The following RGS7BP variants were observed in gnomAD, a reference collection of about 807,000 sequenced individuals.
RGS7BP encodes regulator of G protein signaling 7-binding protein.
A neutral mutation model predicts 31.3 loss-of-function variants in RGS7BP; 9 were observed. That is an observed-to-expected ratio of 0.29 (90% confidence interval 0.17 to 0.50). RGS7BP has a LOEUF of 0.50. Among genes scored for constraint, RGS7BP ranks in the 20% least tolerant of loss-of-function variants. The pLI is 0.98. For missense variants in RGS7BP, 274 were observed against 322.0 expected, an observed-to-expected ratio of 0.85 and a Z score of 1.14; for synonymous variants, 115 against 120.1, an observed-to-expected ratio of 0.96 and a Z score of 0.28.
intron 2 of RGS7BP, among the ~76,000 whole-genome samples, chr5:64,519,195 C>A (rs1749046741): frequency 6.6e-6 from 1 of 152,162 alleles, no homozygotes; most frequent in Admixed American, 6.5e-5. Flanking sequence ...GGGTGCTGGA[C>A]TGGGAGAAAG....
chr5:64,542,225 A>G (rs1194046143), intron 2 of RGS7BP, among the ~76,000 whole-genome samples: 1 of 152,212 alleles, frequency 6.6e-6, no homozygotes, highest in East Asian at 1.9e-4. Flanking sequence ...GGTACTGGCA[A>G]GAACCAACAT....
At chr5:64,573,877 A>T (rs1320675617) in intron 2 of RGS7BP, among the ~76,000 whole-genome samples, 1 of 152,232 alleles carries the variant, frequency 6.6e-6, no homozygotes, top group African/African-American at 2.4e-5. Context: ...CAATATATAC[A>T]TGTATCAAAA....
intron 2 of RGS7BP, among the ~76,000 whole-genome samples, chr5:64,520,198 A>T (rs1291380998): frequency 6.6e-6 from 1 of 152,164 alleles, no homozygotes; most frequent in East Asian, 1.9e-4. Context: ...CAGAGTCTTT[A>T]TTCTTGCCAC....
intron 3 of RGS7BP, among the ~76,000 whole-genome samples, chr5:64,576,540 A>G (rs370303319): frequency 1.3e-5 from 2 of 152,200 alleles, no homozygotes; most frequent in East Asian, 1.9e-4. Flanking sequence ...TGCAGTGAAC[A>G]CATCTGCACA....
At chr5:64,581,579 A>G (rs530417201) in intron 3 of RGS7BP, among the ~76,000 whole-genome samples, 5 of 152,250 alleles carry the variant, frequency 3.3e-5, no homozygotes, top group Non-Finnish European at 7.3e-5. Context: ...ACACAAGGCC[A>G]CTGCAGGGGT....
At chr5:64,575,590 C>T in intron 2 of RGS7BP, 184 bp from the exon 3 acceptor site, 1 of 1,146,816 alleles carries the variant, frequency 8.7e-7, no homozygotes. Flanking sequence ...AACTGTTAGT[C>T]AGAAAGAGAC....
chr5:64,585,645 T>A (rs1742727017), intron 3 of RGS7BP, among the ~76,000 whole-genome samples: 1 of 152,148 alleles, frequency 6.6e-6, no homozygotes, highest in Non-Finnish European at 1.5e-5. Context: ...GTGTTTTTGT[T>A]TCTCGTGAAT....
At chr5:64,556,277 T>C (rs1400548257) in intron 2 of RGS7BP, among the ~76,000 whole-genome samples, 1 of 151,416 alleles carries the variant, frequency 6.6e-6, no homozygotes, top group African/African-American at 2.4e-5. Context: ...TTATTAACCT[T>C]TCATATTTCC....
chr5:64,544,914 T>C (rs1034462762), intron 2 of RGS7BP, among the ~76,000 whole-genome samples: 24 of 152,214 alleles, frequency 1.6e-4, no homozygotes, highest in African/African-American at 5.3e-4. Flanking sequence ...TGGTGGCTCA[T>C]GCCTGTAATC....
In RGS7BP at chr5:64,531,503, T is replaced by G. The variant is rs560079032; in HGVS notation, c.332+23626T>G. Among the ~76,000 whole-genome samples, 5 of 152,324 alleles carry G rather than the reference T, an allele frequency of 3.3e-5. No individual in the cohort carries two copies. In the South Asian group the frequency reaches 1.0e-3, roughly 32 times the overall value. On this transcript the variant is annotated intron_variant, in intron 2 of 5. Transcript: ENST00000334025. ...TCTGTGGGATTACACTCATTCATTT[T>G]CTAATCTAGCTGCAGTCCGTGAAGA...
intron 3 of RGS7BP, among the ~76,000 whole-genome samples, chr5:64,583,023 T>G (rs1462585071): frequency 6.6e-6 from 1 of 152,228 alleles, no homozygotes; most frequent in African/African-American, 2.4e-5. Context: ...GCATTCATTC[T>G]TTGAAGAAAT....
intron 5 of RGS7BP, chr5:64,601,475 G>A: frequency 1.0e-6 from 1 of 975,412 alleles, no homozygotes; most frequent in Non-Finnish European, 1.2e-6. Flanking sequence ...GTGGCCAAGG[G>A]CAGGAATTTT....
At chr5:64,514,262 C>T (rs1315479600) in intron 2 of RGS7BP, among the ~76,000 whole-genome samples, 1 of 151,162 alleles carries the variant, frequency 6.6e-6, no homozygotes, top group Non-Finnish European at 1.5e-5. Flanking sequence ...CCTGCAATGA[C>T]CCTTTTTCCA....
intron 2 of RGS7BP, among the ~76,000 whole-genome samples, chr5:64,526,160 C>T (rs1749225594): frequency 6.6e-6 from 1 of 152,188 alleles, no homozygotes; most frequent in Non-Finnish European, 1.5e-5. Context: ...TTCCTTCTTC[C>T]TGACTAAACT....
In RGS7BP at chr5:64,579,866, T is replaced by C. The variant is rs78193772; in HGVS notation, c.463+3962T>C. Among the ~76,000 whole-genome samples, 691 of 152,324 alleles carry C rather than the reference T, an allele frequency of 4.5e-3. 2 individuals are homozygous for C. The highest frequency in any genetic ancestry group is 0.016 in the African/African-American group (649 of 41,570). On this transcript the variant is annotated intron_variant, in intron 3 of 5. Transcript: ENST00000334025. ...TTTATTACACCTAAGGGATTAACAC[T>C]ATATTAATACTTTGGACTCCTGGCT...
intron 2 of RGS7BP, among the ~76,000 whole-genome samples, chr5:64,517,995 G>A (rs1049467427): frequency 2.0e-5 from 3 of 152,096 alleles, no homozygotes; most frequent in Non-Finnish European, 4.4e-5. Flanking sequence ...ATGAATAAAA[G>A]GTGGGAAGCA....
chr5:64,518,812 G>C (rs764638611), intron 2 of RGS7BP, among the ~76,000 whole-genome samples: 1 of 152,058 alleles, frequency 6.6e-6, no homozygotes, highest in Non-Finnish European at 1.5e-5. Context: ...TAGTTCTCTG[G>C]GGCTTTTCCT....
chr5:64,587,999 C>A (rs1742804356), intron 3 of RGS7BP, among the ~76,000 whole-genome samples: 1 of 152,052 alleles, frequency 6.6e-6, no homozygotes, highest in Admixed American at 6.6e-5. Context: ...GGAAAACAAA[C>A]ACTATAAAAA....
chr5:64,558,509 C>A (rs559376234), intron 2 of RGS7BP, among the ~76,000 whole-genome samples: 5 of 152,250 alleles, frequency 3.3e-5, no homozygotes, highest in African/African-American at 7.2e-5. Context: ...CCTTCATAAG[C>A]TGAGGATGTA....
Sources: allele counts gnomAD v4.1 joint callset (sites outside exome capture counted in the v4.1 genomes callset), GRCh38; gene constraint gnomAD v4.1.1; transcripts MANE v1.5; gene names NCBI Gene and HGNC (gene_info 2026-07-23, HGNC 2026-07-21).